The following TIAM1 variants were observed in gnomAD, a reference collection of about 807,000 sequenced individuals.
TIAM1 encodes TIAM Rac1 associated GEF 1.
TIAM1 carries 65 observed loss-of-function variants against 163.5 expected under a neutral mutation model. The observed-to-expected ratio is 0.40, with a 90% CI of 0.33 to 0.49. TIAM1 has a LOEUF of 0.49. Ranked by LOEUF, TIAM1 falls within the 20% of genes least tolerant of loss-of-function variation. The pLI, the probability that TIAM1 is intolerant of heterozygous loss-of-function variation, is 0.77. For synonymous variants in TIAM1, 833 were observed against 810.1 expected, an observed-to-expected ratio of 1.03 and a Z score of -0.48; for missense variants, 1,789 against 2,044.7, an observed-to-expected ratio of 0.87 and a Z score of 2.41.
At chr21:31,192,883 TG>T (rs1269902251) in intron 13 of TIAM1, among the ~76,000 whole-genome samples, 1 of 152,048 alleles carries the variant, frequency 6.6e-6, no homozygotes, top group African/African-American at 2.4e-5. Flanking sequence ...GACCTGGGTG[TG>T]GAATGAGGAC....
chr21:31,335,708 A>AAAAAAAAG lies in TIAM1; in HGVS notation c.-189+3534_-189+3535insCTTTTTTT, dbSNP rs569200995. On this transcript the variant is annotated intron_variant, in intron 2 of 27. Coordinates refer to ENST00000541036, the MANE Select transcript of TIAM1 (RefSeq NM_001353694.2). ...TGACAGAGCGAGACTCTGTCTCCAA[A>AAAAAAAAG]AAAAAAGAAAAAAGAAAGAAACTCA... 1.2e-3 allele frequency among the ~76,000 whole-genome samples: 180 copies of AAAAAAAAG among 152,176 alleles called. 1 individual carries two copies. In the Middle Eastern group the frequency reaches 0.017, roughly 14 times the overall value.
At chr21:31,276,294 A>G (rs1291094279) in intron 3 of TIAM1, among the ~76,000 whole-genome samples, 1 of 152,250 alleles carries the variant, frequency 6.6e-6, no homozygotes, top group Middle Eastern at 3.2e-3. Context: ...GTTTTGCAAC[A>G]AATATAAGAT....
At chr21:31,422,311 G>A (rs2043606570) in intron 2 of TIAM1, among the ~76,000 whole-genome samples, 1 of 152,166 alleles carries the variant, frequency 6.6e-6, no homozygotes. Flanking sequence ...ATCAAGGATG[G>A]AAGATACTCC....
chr21:31,285,534 G>A (rs142133225), intron 2 of TIAM1, among the ~76,000 whole-genome samples: 237 of 152,176 alleles, frequency 1.6e-3, no homozygotes, highest in African/African-American at 5.0e-3. Context: ...TTGTGTTGAC[G>A]GCATGAAATT....
intron 1 of TIAM1, among the ~76,000 whole-genome samples, chr21:31,532,111 T>C (rs893704103): frequency 6.6e-6 from 1 of 152,058 alleles, no homozygotes; most frequent in African/African-American, 2.4e-5. Context: ...AGCAAGACCC[T>C]GTCTCAAAAA....
At chr21:31,274,618 A>G (rs1211583285) in intron 3 of TIAM1, among the ~76,000 whole-genome samples, 1 of 152,210 alleles carries the variant, frequency 6.6e-6, no homozygotes. Context: ...AAACTTCCAC[A>G]TGAACAATGC....
At chr21:31,165,607 G>A (rs1046400506) in intron 15 of TIAM1, among the ~76,000 whole-genome samples, 1 of 152,020 alleles carries the variant, frequency 6.6e-6, no homozygotes, top group Non-Finnish European at 1.5e-5. Flanking sequence ...AAATAAATGA[G>A]TGTTGTTTAA....
intron 13 of TIAM1, among the ~76,000 whole-genome samples, chr21:31,190,453 A>T (rs1191215279): frequency 6.6e-6 from 1 of 152,074 alleles, no homozygotes; most frequent in Admixed American, 6.6e-5. Flanking sequence ...GAACCACCAA[A>T]AGATTCCTCA....
At chr21:31,388,844 C>T (rs2076922997) in intron 2 of TIAM1, among the ~76,000 whole-genome samples, 1 of 152,176 alleles carries the variant, frequency 6.6e-6, no homozygotes, top group Non-Finnish European at 1.5e-5. Flanking sequence ...AAAAGCATTA[C>T]CTATCACTAT....
At position 31,370,026 on chromosome 21, in the gene TIAM1, T is replaced by C. The variant is rs1238737738; in HGVS notation, c.-368-30604A>G. Among the ~76,000 whole-genome samples the C allele has an allele frequency of 2.0e-5, 3 of 152,136 alleles. No homozygotes were observed. In the East Asian group the frequency reaches 5.8e-4, roughly 29 times the overall value. On this transcript the variant is annotated intron_variant, in intron 2 of 28. Coordinates refer to the TIAM1 transcript ENST00000286827. Reference sequence around the variant, plus strand: ...GGGCCTAAGAGAGACCCCTTTCCCTTCCACCACATGAGGACACAGTGAAAA... The same window carrying C: ...GGGCCTAAGAGAGACCCCTTTCCCTCCCACCACATGAGGACACAGTGAAAA...
chr21:31,228,130 C>G (rs78257760), intron 6 of TIAM1, among the ~76,000 whole-genome samples: 2 of 136,978 alleles, frequency 1.5e-5, no homozygotes, highest in East Asian at 4.2e-4. Context: ...CCAGGATGGT[C>G]TCAATCTCTT....
intron 3 of TIAM1, among the ~76,000 whole-genome samples, chr21:31,272,643 A>G (rs1443492678): frequency 6.6e-6 from 1 of 152,190 alleles, no homozygotes; most frequent in Non-Finnish European, 1.5e-5. Flanking sequence ...AATTATTTTG[A>G]AATAAAAAGT....
intron 1 of TIAM1, among the ~76,000 whole-genome samples, chr21:31,494,699 C>T (rs1354659945): frequency 1.3e-5 from 2 of 152,048 alleles, no homozygotes; most frequent in Non-Finnish European, 2.9e-5. Context: ...AAGAATTAGC[C>T]GGGTGTGGTG....
chr21:31,156,486 A>T (rs774509667), intron 16 of TIAM1, among the ~76,000 whole-genome samples: 2 of 152,238 alleles, frequency 1.3e-5, no homozygotes, highest in Non-Finnish European at 2.9e-5. Flanking sequence ...GTTAGAAAAG[A>T]AAAACTGTGT....
At chr21:31,262,407 T>C (rs974733779) in intron 4 of TIAM1, among the ~76,000 whole-genome samples, 3 of 152,100 alleles carry the variant, frequency 2.0e-5, no homozygotes, top group Non-Finnish European at 2.9e-5. Context: ...ATCTAAGGAG[T>C]AACCTATTAA....
chr21:31,500,904 G>C (rs2046826374), intron 1 of TIAM1, among the ~76,000 whole-genome samples: 1 of 152,222 alleles, frequency 6.6e-6, no homozygotes, highest in South Asian at 2.1e-4. Flanking sequence ...TATAACGGCA[G>C]TCCGAGGAAA....
Position 31,315,679 on chromosome 21 carries a change from C to CA in TIAM1, c.-189+23563dup, listed in dbSNP as rs58560437. 6.1e-3 allele frequency among the ~76,000 whole-genome samples: 486 copies of CA among 80,202 alleles called. 3 individuals carry two copies. The highest frequency in any genetic ancestry group is 0.019 in the Middle Eastern group (2 of 108). 52.6% of individuals were successfully genotyped at this position (80,202 alleles called of 152,430 possible). ...GGGCAACAAGAGCAAAACTCCATCT[C>CA]AAAAAAAAAAAAAAAAAAAAGGACA... On this transcript the variant is annotated intron_variant, in intron 2 of 27. Transcript: ENST00000541036.
intron 2 of TIAM1, among the ~76,000 whole-genome samples, chr21:31,358,478 T>A (rs1181503335): frequency 6.6e-6 from 1 of 152,106 alleles, no homozygotes; most frequent in African/African-American, 2.4e-5. Flanking sequence ...GACTCCACAA[T>A]CGAATACCGC....
intron 2 of TIAM1, among the ~76,000 whole-genome samples, chr21:31,349,950 A>G (rs2076207598): frequency 6.6e-6 from 1 of 152,254 alleles, no homozygotes; most frequent in African/African-American, 2.4e-5. Flanking sequence ...TAAATGGGCG[A>G]ATGGGCACTA....
Sources: gnomAD v4.1 joint callset for allele counts (sites outside exome capture counted in the v4.1 genomes callset) on GRCh38, gnomAD v4.1.1 for gene constraint, MANE v1.5 for transcripts, NCBI Gene and HGNC (gene_info 2026-07-23, HGNC 2026-07-21) for gene names.